The following ANK2 variants were observed in gnomAD, a reference collection of about 807,000 sequenced individuals.
The protein encoded by ANK2 is ankyrin 2.
In ANK2, 83 loss-of-function variants were observed where a neutral mutation model predicts 360.5. The observed-to-expected ratio is 0.23, with a 90% CI of 0.19 to 0.28. ANK2 has a LOEUF of 0.28. Among genes scored for constraint, ANK2 ranks in the 10% least tolerant of loss-of-function variants. ANK2 has a pLI of 1.00. For synonymous variants in ANK2, 1,740 were observed against 1,759.5 expected (o/e 0.99, Z 0.28); for missense variants, 4,201 against 4,795.7 (o/e 0.88, Z 3.66).
At position 113,358,423 on chromosome 4, in the gene ANK2, A is replaced by G. The variant is rs773492830; in HGVS notation, c.9805A>G (p.Arg3269Gly). 1.2e-6 allele frequency: 2 copies of G among 1,614,094 alleles called. No homozygotes were observed. The highest frequency in any genetic ancestry group is 1.7e-6 in the Non-Finnish European group (2 of 1,179,960). ...ACTCACCAGGTCTGTTTATTCAGAT[A>G]GGGGTGATGATTCTCCCGATTCTTC... ...STLTRSVYSD[R>G]GDDSPDSSPE... is the part of the protein sequence containing the mutation. The change falls in exon 38 of 46, where the codon AGG (arginine) becomes GGG (glycine). Residue 3269 changes from arginine (R) to glycine (G), a missense_variant. Transcript: ENST00000357077.
At chr4:113,082,693 G>A (rs949896594) in intron 1 of ANK2, among the ~76,000 whole-genome samples, 7 of 152,108 alleles carry the variant, frequency 4.6e-5, no homozygotes, top group Non-Finnish European at 7.4e-5. Flanking sequence ...TAAGAGCTTC[G>A]TACTAGAATA....
intron 2 of ANK2, among the ~76,000 whole-genome samples, chr4:113,025,180 A>T (rs2059006518): frequency 6.6e-6 from 1 of 152,130 alleles, no homozygotes; most frequent in African/African-American, 2.4e-5. Flanking sequence ...TTCCTTAAAC[A>T]TAACAGCAGT....
Position 113,333,298 on chromosome 4 carries a change from ATGTG to A in ANK2, c.3379+120_3379+123del, listed in dbSNP as rs60929199. On this transcript the variant is annotated intron_variant, in intron 29 of 45. Coordinates refer to ENST00000357077, the MANE Select transcript of ANK2 (RefSeq NM_001148.6). ...TCTTATGACCTAGGGGTGTGTGTAT[ATGTG>A]TGTGTGTGTGTGTGTGTGTGTGTGT... is the stretch of plus-strand genomic sequence containing the variant. 7.6e-3 allele frequency: 8,692 copies of A among 1,144,490 alleles called. 1 individual carries two copies. The highest frequency in any genetic ancestry group is 0.01 in the East Asian group (394 of 37,894). The allele number at this position is 1,144,490 out of a possible 1,614,324, so 70.9% of individuals were successfully genotyped here.
intron 1 of ANK2, among the ~76,000 whole-genome samples, chr4:112,821,158 G>A (rs966282721): frequency 6.6e-6 from 1 of 151,744 alleles, no homozygotes; most frequent in Non-Finnish European, 1.5e-5. Context: ...CAGGTGATCC[G>A]CCCGCCTCGG....
At chr4:113,104,069 TC>T (rs2093314076) in intron 1 of ANK2, among the ~76,000 whole-genome samples, 1 of 152,182 alleles carries the variant, frequency 6.6e-6, no homozygotes, top group Non-Finnish European at 1.5e-5. Context: ...ATTCTAAATC[TC>T]CTTTGTCCAC....
At chr4:113,042,338 T>C (rs571429987) in intron 2 of ANK2, among the ~76,000 whole-genome samples, 12 of 152,252 alleles carry the variant, frequency 7.9e-5, no homozygotes, top group Non-Finnish European at 1.5e-4. Context: ...ACCACAAGCT[T>C]TCTTGGTTCT....
At chr4:113,331,813 G>T (rs926984219) in intron 27 of ANK2, among the ~76,000 whole-genome samples, 159 bp from the exon 28 acceptor site, 1 of 152,156 alleles carries the variant, frequency 6.6e-6, no homozygotes, top group Non-Finnish European at 1.5e-5. Flanking sequence ...CTGGGTCTCG[G>T]TTCCTTGCTC....
the ANK2 span, among the ~76,000 whole-genome samples, chr4:112,707,635 T>A: frequency 6.6e-6 from 1 of 152,204 alleles, no homozygotes; most frequent in African/African-American, 2.4e-5. Context: ...AAGCAAAAAA[T>A]TATTTTTATA....
intron 2 of ANK2, among the ~76,000 whole-genome samples, chr4:112,942,896 G>C (rs1490200169): frequency 6.6e-6 from 1 of 151,876 alleles, no homozygotes; most frequent in African/African-American, 2.4e-5. Flanking sequence ...AGAGGGAGGG[G>C]AGCTTTTAAA....
chr4:112,984,016 G>A (rs899324912), intron 2 of ANK2, among the ~76,000 whole-genome samples: 1 of 152,114 alleles, frequency 6.6e-6, no homozygotes, highest in African/African-American at 2.4e-5. Flanking sequence ...ATGATAATTT[G>A]ACATCCCACT....
intron 22 of ANK2, among the ~76,000 whole-genome samples, chr4:113,302,306 A>G (rs552728026): frequency 1.2e-4 from 18 of 152,302 alleles, no homozygotes; most frequent in Middle Eastern, 3.4e-3. Context: ...GATGTGTCAT[A>G]TTTTCTGCCC....
the ANK2 span, among the ~76,000 whole-genome samples, chr4:112,721,535 C>G: frequency 7.6e-6 from 1 of 132,032 alleles, no homozygotes; most frequent in Admixed American, 7.9e-5. Context: ...GAGCGAGACC[C>G]CATCTCAAAA....
At chr4:113,319,426 T>C (rs1363186781) in intron 26 of ANK2, among the ~76,000 whole-genome samples, 1 of 151,286 alleles carries the variant, frequency 6.6e-6, no homozygotes, top group Non-Finnish European at 1.5e-5. Flanking sequence ...TTTAATTATT[T>C]TTAAAGCCCT....
intron 4 of ANK2, among the ~76,000 whole-genome samples, chr4:113,226,138 T>A (rs1428049329): frequency 6.6e-6 from 1 of 152,196 alleles, no homozygotes; most frequent in Non-Finnish European, 1.5e-5. Flanking sequence ...AACAAAAACC[T>A]GCTTTCCACT....
intron 45 of ANK2, chr4:113,375,016 G>A (rs767780849): frequency 3.6e-6 from 3 of 837,260 alleles, no homozygotes; most frequent in East Asian, 8.4e-5. Context: ...AAAGAAAATC[G>A]TTTGTCATTG....
At chr4:113,376,013 A>G (rs536213027) in intron 45 of ANK2, among the ~76,000 whole-genome samples, 1 of 152,348 alleles carries the variant, frequency 6.6e-6, no homozygotes, top group South Asian at 2.1e-4. Context: ...CACTTATGCC[A>G]GAGGTTGCCA....
At chr4:113,097,657 A>C (rs77877154) in intron 1 of ANK2, among the ~76,000 whole-genome samples, 2,674 of 152,108 alleles carry the variant, frequency 0.018, 76 homozygotes, top group African/African-American at 0.061. Context: ...TTGAAGGACT[A>C]TTAATTTTAG....
chr4:113,235,190 A>C (rs1388210922), intron 5 of ANK2, among the ~76,000 whole-genome samples: 1 of 152,240 alleles, frequency 6.6e-6, no homozygotes, highest in East Asian at 1.9e-4. Context: ...GAGGTAATAC[A>C]TTTAAATATG....
intron 7 of ANK2, among the ~76,000 whole-genome samples, chr4:113,238,086 A>C (rs1194939205): frequency 6.6e-6 from 1 of 151,848 alleles, no homozygotes; most frequent in Admixed American, 6.6e-5. Flanking sequence ...ATAATAAATG[A>C]TGTTATTGAG....
Sources: gnomAD v4.1 joint callset for allele counts (sites outside exome capture counted in the v4.1 genomes callset) on GRCh38, gnomAD v4.1.1 for gene constraint, MANE v1.5 for transcripts, NCBI Gene and HGNC (gene_info 2026-07-23, HGNC 2026-07-21) for gene names.